Variants in AKAP7 observed in about 807,000 individuals in gnomAD.
AKAP7 encodes the protein A kinase (PRKA) anchor protein 7.
In AKAP7, 39 loss-of-function variants were observed where a neutral mutation model predicts 39.5. That is an observed-to-expected ratio of 0.99 (90% confidence interval 0.76 to 1.29). AKAP7 has a LOEUF of 1.29. Among genes scored for constraint, AKAP7 ranks in the 50% most tolerant of loss-of-function variants. The pLI is 0.00. For synonymous variants in AKAP7, 140 were observed against 139.1 expected (o/e 1.01, Z -0.05); for missense variants, 414 against 407.7 (o/e 1.02, Z -0.13).
intron 3 of AKAP7, among the ~76,000 whole-genome samples, chr6:131,162,707 G>A (rs543773444): frequency 6.6e-6 from 1 of 152,172 alleles, no homozygotes; most frequent in East Asian, 1.9e-4. Context: ...GGCTTGCCAG[G>A]TTCCCTTGGC....
chr6:131,126,742 T>A, the AKAP7 span, among the ~76,000 whole-genome samples: 1 of 152,310 alleles, frequency 6.6e-6, no homozygotes, highest in South Asian at 2.1e-4. Context: ...TATTCATGCG[T>A]CTTGTCTCCC....
At chr6:131,217,665 T>G (rs1225088102) in intron 6 of AKAP7, among the ~76,000 whole-genome samples, 1 of 152,216 alleles carries the variant, frequency 6.6e-6, no homozygotes, top group African/African-American at 2.4e-5. Flanking sequence ...GAAAAATTCT[T>G]GCAAAACAGT....
Position 131,135,624 on chromosome 6 carries a change from C to T in AKAP7, c.-140C>T. 1.3e-6 allele frequency: 1 copy of T among 759,614 alleles called. No homozygotes were observed. The highest frequency in any genetic ancestry group is 1.6e-6 in the Non-Finnish European group (1 of 621,086). The allele number at this position is 759,614 out of a possible 1,614,324, so 47.1% of individuals were successfully genotyped here. On this transcript the variant is annotated 5_prime_UTR_variant, in exon 1 of 8. Coordinates refer to ENST00000431975, the MANE Select transcript of AKAP7 (RefSeq NM_016377.4). ...CGGGCCCCCGCAGCCTGTCGCTGGA[C>T]CCCGCGCCGGCCCAGCGCACCGCCC...
chr6:131,153,755 ATATCT>A lies in AKAP7; in HGVS notation c.152-6297_152-6293del, dbSNP rs143533120. On this transcript the variant is annotated intron_variant, in intron 2 of 7. Coordinates refer to ENST00000431975, the MANE Select transcript of AKAP7 (RefSeq NM_016377.4). ...AGTAAAATACAGAAAAAATGATTAT[ATATCT>A]TATCTTCACAGTAAAGAATGTACTA... Among the ~76,000 whole-genome samples, 111 of 152,290 alleles carry A rather than the reference ATATCT, an allele frequency of 7.3e-4. 3 individuals are homozygous for A. In the East Asian group the frequency reaches 0.02, roughly 28 times the overall value.
At chr6:131,209,849 G>A (rs1192840041) in intron 6 of AKAP7, among the ~76,000 whole-genome samples, 1 of 151,982 alleles carries the variant, frequency 6.6e-6, no homozygotes, top group East Asian at 1.9e-4. Context: ...GATTGATTAT[G>A]GGTAAAGACA....
intron 7 of AKAP7, among the ~76,000 whole-genome samples, chr6:131,242,689 T>C (rs538674013): frequency 6.6e-6 from 1 of 152,240 alleles, no homozygotes; most frequent in South Asian, 2.1e-4. Flanking sequence ...CACATGGGCC[T>C]GACTTTTGCC....
intron 6 of AKAP7, among the ~76,000 whole-genome samples, chr6:131,213,723 G>T (rs899672359): frequency 6.6e-6 from 1 of 152,176 alleles, no homozygotes; most frequent in African/African-American, 2.4e-5. Context: ...ATAACAAACA[G>T]TTATGTGGCC....
chr6:131,220,350 T>A (rs1196519378), intron 7 of AKAP7, among the ~76,000 whole-genome samples: 3 of 152,228 alleles, frequency 2.0e-5, no homozygotes, highest in Non-Finnish European at 4.4e-5. Context: ...CAGACTCATA[T>A]AAAACTGTGT....
chr6:131,200,225 C>G (rs541974723), intron 6 of AKAP7, among the ~76,000 whole-genome samples: 18 of 152,298 alleles, frequency 1.2e-4, no homozygotes, highest in Admixed American at 5.9e-4. Context: ...TAGGCCACCC[C>G]TTCTTCCCGC....
upstream of AKAP7, among the ~76,000 whole-genome samples, chr6:131,133,041 GT>G (rs917186937): frequency 1.3e-5 from 2 of 152,178 alleles, no homozygotes; most frequent in Non-Finnish European, 2.9e-5. Context: ...GTTATCAGTT[GT>G]GGTGGCAAAA....
intron 6 of AKAP7, among the ~76,000 whole-genome samples, chr6:131,209,111 G>A (rs1808404622): frequency 6.6e-6 from 1 of 152,028 alleles, no homozygotes; most frequent in African/African-American, 2.4e-5. Context: ...CTGTTTTGTA[G>A]CCATTAGTAT....
At chr6:131,189,904 G>A (rs1347620149) in intron 5 of AKAP7, among the ~76,000 whole-genome samples, 3 of 152,168 alleles carry the variant, frequency 2.0e-5, no homozygotes, top group Non-Finnish European at 2.9e-5. Flanking sequence ...TTGGTTTAGT[G>A]CTTGAAGGAA....
chr6:131,133,728 C>T (rs966772911), upstream of AKAP7, among the ~76,000 whole-genome samples: 5 of 152,006 alleles, frequency 3.3e-5, no homozygotes, highest in African/African-American at 9.7e-5. Flanking sequence ...CAGATTAAGA[C>T]GAGAAAAGGA....
At chr6:131,157,808 A>G (rs552259427) in intron 2 of AKAP7, among the ~76,000 whole-genome samples, 12 of 152,350 alleles carry the variant, frequency 7.9e-5, no homozygotes, top group African/African-American at 2.6e-4. Context: ...ATGAAGAGCT[A>G]TCATTAGCCA....
At chr6:131,168,580 G>A (rs1803727233) in intron 4 of AKAP7, among the ~76,000 whole-genome samples, 1 of 152,068 alleles carries the variant, frequency 6.6e-6, no homozygotes, top group South Asian at 2.1e-4. Context: ...TTACAATTGG[G>A]GAATATAATT....
In AKAP7 at chr6:131,207,318, A is replaced by ATT. The variant is rs397830207; in HGVS notation, c.702+7759_702+7760dup. Among the ~76,000 whole-genome samples the ATT allele has an allele frequency of 2.3e-3, 318 of 140,004 alleles. 3 individuals carry two copies. The highest frequency in any genetic ancestry group is 6.8e-3 in the African/African-American group (258 of 37,948). The allele number at this position is 140,004 out of a possible 152,430, so 91.8% of individuals were successfully genotyped here. On this transcript the variant is annotated intron_variant, in intron 6 of 7. Coordinates refer to ENST00000431975, the MANE Select transcript of AKAP7 (RefSeq NM_016377.4). Reference sequence around the variant, plus strand: ...GGACAATGGGAAAAATACTCTACACATTTTTTTTTTTTTTTGAAAGAACTA... The same window carrying ATT: ...GGACAATGGGAAAAATACTCTACACATTTTTTTTTTTTTTTTTGAAAGAACTA...
At chr6:131,270,294 C>G (rs1422067862) in intron 7 of AKAP7, among the ~76,000 whole-genome samples, 2 of 152,170 alleles carry the variant, frequency 1.3e-5, no homozygotes, top group African/African-American at 4.8e-5. Flanking sequence ...TTTGCCTTTT[C>G]CAGAATGTCA....
chr6:131,163,603 A>G (rs1803196179), intron 3 of AKAP7, among the ~76,000 whole-genome samples: 1 of 152,230 alleles, frequency 6.6e-6, no homozygotes, highest in Non-Finnish European at 1.5e-5. Context: ...GATTTTAAAC[A>G]CATTCTTAGA....
chr6:131,133,864 G>A (rs527304328), upstream of AKAP7, among the ~76,000 whole-genome samples: 1 of 152,268 alleles, frequency 6.6e-6, no homozygotes, highest in South Asian at 2.1e-4. Context: ...AAGGAAAAGG[G>A]GGCTTAGCCT....
Sources: gnomAD v4.1 joint callset for allele counts (sites outside exome capture counted in the v4.1 genomes callset) on GRCh38, gnomAD v4.1.1 for gene constraint, MANE v1.5 for transcripts, NCBI Gene and HGNC (gene_info 2026-07-23, HGNC 2026-07-21) for gene names.